Variants in SEMA3A observed in about 807,000 individuals in gnomAD.
SEMA3A encodes the protein semaphorin-3A.
SEMA3A carries 29 observed loss-of-function variants against 97.9 expected under a neutral mutation model. The ratio of observed to expected loss-of-function variants is 0.30; its 90% CI spans 0.22 to 0.40. The LOEUF (loss-of-function observed/expected upper bound fraction) is 0.40, where lower values mean the gene tolerates loss of function less well. Ranked by LOEUF, SEMA3A falls within the 10% of genes least tolerant of loss-of-function variation. The pLI is 1.00. For synonymous variants in SEMA3A, 321 were observed against 323.7 expected, an observed-to-expected ratio of 0.99 and a Z score of 0.09; for missense variants, 763 against 951.3, an observed-to-expected ratio of 0.80 and a Z score of 2.60.
At chr7:84,418,114 G>A (rs1804484019) in intron 1 of SEMA3A, among the ~76,000 whole-genome samples, 2 of 152,066 alleles carry the variant, frequency 1.3e-5, no homozygotes, top group African/African-American at 4.8e-5. Context: ...AGAGAAGAAT[G>A]ACATTTAAGT....
intron 1 of SEMA3A, among the ~76,000 whole-genome samples, chr7:84,376,434 C>A (rs1161058067): frequency 2.3e-5 from 3 of 129,454 alleles, no homozygotes; most frequent in Non-Finnish European, 1.7e-5. Flanking sequence ...AACCCCGTCT[C>A]TACTAAAAAA....
Position 83,961,318 on chromosome 7 carries a change from G to A in SEMA3A, c.*53C>T. On this transcript the variant is annotated 3_prime_UTR_variant, in exon 17 of 17. Coordinates refer to ENST00000265362, the MANE Select transcript of SEMA3A (RefSeq NM_006080.3). ...CATGTATATTGCATTTGTTTTTCCAGTTATTGTCTAGGCAAGTTTCTACTT... is the reference window on the plus strand; with the variant it reads ...CATGTATATTGCATTTGTTTTTCCAATTATTGTCTAGGCAAGTTTCTACTT... 1 of 1,433,618 alleles carries A rather than the reference G, an allele frequency of 7.0e-7. No individual in the cohort carries two copies. Among genetic ancestry groups the A allele is most frequent in the South Asian group, 1.2e-5 (1 of 85,790 alleles). 88.8% of individuals were successfully genotyped at this position (1,433,618 alleles called of 1,614,324 possible). A position where few individuals can be genotyped will look rare whatever the true frequency, so the allele number is the denominator to read the frequency against.
chr7:84,406,885 T>C (rs574443731), intron 1 of SEMA3A, among the ~76,000 whole-genome samples: 1 of 152,154 alleles, frequency 6.6e-6, no homozygotes, highest in Non-Finnish European at 1.5e-5. Flanking sequence ...TAAATAGGTA[T>C]TGATGGGACG....
At position 84,224,623 on chromosome 7, in the gene SEMA3A, T is replaced by G. The variant is rs1317516859; in HGVS notation, c.-82-29955A>C. ...AAACAAGACAAAGTCCATTCCATTT[T>G]AGTTTCTTTCTAGGCAGTGTGAGGA... On this transcript the variant is annotated intron_variant, in intron 3 of 3. Coordinates refer to the SEMA3A transcript ENST00000424555. Among the ~76,000 whole-genome samples the G allele has an allele frequency of 2.0e-5, 3 of 152,062 alleles. No individual in the cohort carries two copies. The South Asian group carries it at 6.2e-4, about 31-fold the overall frequency.
intron 6 of SEMA3A, among the ~76,000 whole-genome samples, chr7:84,017,771 C>T (rs1791163525): frequency 6.6e-6 from 1 of 152,230 alleles, no homozygotes; most frequent in South Asian, 2.1e-4. Context: ...CTTTCTTATT[C>T]TCTAAGTGTA....
chr7:84,216,384 C>T lies in SEMA3A; in HGVS notation c.-82-21716G>A, dbSNP rs190846745. ...CCTCCCAAAGTGCTGGGATTACAGGCGTGAGGTATGTCACCTGGCCTCAGA... is the reference window on the plus strand; with the variant it reads ...CCTCCCAAAGTGCTGGGATTACAGGTGTGAGGTATGTCACCTGGCCTCAGA... On this transcript the variant is annotated intron_variant, in intron 3 of 3. Coordinates refer to the SEMA3A transcript ENST00000424555. Among the ~76,000 whole-genome samples, 702 of 152,230 alleles carry T rather than the reference C, an allele frequency of 4.6e-3. 1 individual carries two copies. Among genetic ancestry groups the T allele is most frequent in the Middle Eastern group, 6.8e-3 (2 of 294 alleles).
At chr7:84,220,244 A>T (rs953509150) in intron 3 of SEMA3A, among the ~76,000 whole-genome samples, 4 of 152,146 alleles carry the variant, frequency 2.6e-5, no homozygotes, top group African/African-American at 9.6e-5. Flanking sequence ...TCATTATGAG[A>T]TTGCAGTAAT....
At chr7:84,214,261 A>C (rs918511025) in intron 3 of SEMA3A, among the ~76,000 whole-genome samples, 1 of 152,238 alleles carries the variant, frequency 6.6e-6, no homozygotes, top group East Asian at 1.9e-4. Context: ...GTCTGACAGT[A>C]AAGCTCCTAT....
chr7:84,366,678 G>A (rs1562921589), intron 2 of SEMA3A, among the ~76,000 whole-genome samples: 1 of 151,222 alleles, frequency 6.6e-6, no homozygotes. Flanking sequence ...GCACTCCAAG[G>A]CAGAATTACT....
intron 1 of SEMA3A, among the ~76,000 whole-genome samples, chr7:84,419,094 T>C (rs918606299): frequency 6.6e-6 from 1 of 152,102 alleles, no homozygotes; most frequent in Non-Finnish European, 1.5e-5. Flanking sequence ...AATTTATGTA[T>C]GGCTATATGA....
chr7:84,313,360 A>G (rs1362745245), intron 2 of SEMA3A, among the ~76,000 whole-genome samples: 584 of 8,568 alleles, frequency 0.068, 11 homozygotes, highest in African/African-American at 0.1. Flanking sequence ...GTGTGTGTAT[A>G]TATATATATA....
chr7:84,436,183 A>G (rs1379154400), intron 1 of SEMA3A, among the ~76,000 whole-genome samples: 1 of 152,178 alleles, frequency 6.6e-6, no homozygotes, highest in East Asian at 1.9e-4. Context: ...TATTAACTCA[A>G]CCTGGATTAA....
chr7:84,215,798 A>C (rs1347461266), intron 3 of SEMA3A, among the ~76,000 whole-genome samples: 1 of 152,208 alleles, frequency 6.6e-6, no homozygotes, highest in Admixed American at 6.5e-5. Flanking sequence ...AAAATTAATG[A>C]ACTAATTTTT....
Position 84,369,375 on chromosome 7 carries a change from C to CT in SEMA3A, c.-169+2448dup, listed in dbSNP as rs548148347. Among the ~76,000 whole-genome samples the CT allele has an allele frequency of 1.7e-4, 26 of 150,796 alleles. No individual in the cohort carries two copies. The South Asian group carries it at 4.8e-3, about 28-fold the overall frequency. On this transcript the variant is annotated intron_variant, in intron 2 of 3. Coordinates refer to the SEMA3A transcript ENST00000424555. ...AAAGTGACTTTTGGAATTCAACGTA[C>CT]TTTTTTTTCCATCAGTTTTGTAACT...
chr7:84,252,186 TA>T (rs1799625276), intron 3 of SEMA3A, among the ~76,000 whole-genome samples: 1 of 152,152 alleles, frequency 6.6e-6, no homozygotes, highest in Admixed American at 6.5e-5. Flanking sequence ...GAGACTTTGG[TA>T]AGTGTTCAGG....
At chr7:83,962,909 AAC>A (rs1788527875) in intron 16 of SEMA3A, among the ~76,000 whole-genome samples, 1 of 152,222 alleles carries the variant, frequency 6.6e-6, no homozygotes, top group Admixed American at 6.5e-5. Context: ...AAATATAAAT[AAC>A]ACAATTTCTT....
chr7:84,073,075 T>G (rs2115761558), intron 4 of SEMA3A, among the ~76,000 whole-genome samples: 1 of 152,334 alleles, frequency 6.6e-6, no homozygotes, highest in Non-Finnish European at 1.5e-5. Flanking sequence ...GAAACAATTT[T>G]ATTTTAGTGT....
chr7:84,204,744 C>T (rs1798445823), intron 3 of SEMA3A, among the ~76,000 whole-genome samples: 1 of 152,118 alleles, frequency 6.6e-6, no homozygotes, highest in Non-Finnish European at 1.5e-5. Flanking sequence ...AGAATCAGAT[C>T]ATGTGTATTA....
intron 15 of SEMA3A, among the ~76,000 whole-genome samples, chr7:83,975,449 G>A (rs1789104815): frequency 6.6e-6 from 1 of 152,052 alleles, no homozygotes; most frequent in Non-Finnish European, 1.5e-5. Context: ...TAATAACAAT[G>A]TATGACATAA....
Sources: gnomAD v4.1 joint callset for allele counts (sites outside exome capture counted in the v4.1 genomes callset) on GRCh38, gnomAD v4.1.1 for gene constraint, MANE v1.5 for transcripts, NCBI Gene and HGNC (gene_info 2026-07-23, HGNC 2026-07-21) for gene names.